Variants in TAF3 observed in about 807,000 individuals in gnomAD.
TAF3 encodes TATA-box binding protein associated factor 3, also known as transcription initiation factor TFIID subunit 3.
In TAF3, 7 loss-of-function variants were observed where a neutral mutation model predicts 80.6. That is an observed-to-expected ratio of 0.09 (90% confidence interval 0.05 to 0.16). TAF3 has a LOEUF of 0.16. TAF3 is among the 10% of genes least tolerant of loss of function. TAF3 has a pLI of 1.00. For missense variants in TAF3, 921 were observed against 1,140.2 expected, an observed-to-expected ratio of 0.81 and a Z score of 2.77; for synonymous variants, 444 against 446.1, an observed-to-expected ratio of 1.00 and a Z score of 0.06.
intron 2 of TAF3, among the ~76,000 whole-genome samples, chr10:7,866,715 A>C (rs1365298952): frequency 6.6e-6 from 1 of 152,150 alleles, no homozygotes; most frequent in African/African-American, 2.4e-5. Flanking sequence ...GCTATAGAAA[A>C]AGCCAAAGTT....
At chr10:7,831,687 C>A (rs1490015653) in intron 2 of TAF3, among the ~76,000 whole-genome samples, 1 of 152,066 alleles carries the variant, frequency 6.6e-6, no homozygotes, top group Non-Finnish European at 1.5e-5. Flanking sequence ...ATTGTTGCAT[C>A]TTTGGCCAGT....
At chr10:7,907,812 A>G (rs1019040247) in intron 2 of TAF3, among the ~76,000 whole-genome samples, 2 of 152,170 alleles carry the variant, frequency 1.3e-5, no homozygotes, top group African/African-American at 4.8e-5. Context: ...CAATGATTAG[A>G]TCTGTGTTTT....
intron 2 of TAF3, among the ~76,000 whole-genome samples, chr10:7,896,368 C>G (rs1033548249): frequency 3.9e-5 from 6 of 152,184 alleles, no homozygotes; most frequent in African/African-American, 1.4e-4. Flanking sequence ...TGTGCAACTA[C>G]TCCCAGGAAC....
At position 7,893,837 on chromosome 10, in the gene TAF3, C is replaced by T. The variant is rs76972018; in HGVS notation, c.409+69277C>T. On this transcript the variant is annotated intron_variant, in intron 2 of 6. Transcript: ENST00000344293. ...AGGATCCTTCTTACATAAATTGATC[C>T]TCTTAATTACCACCTCCTTTAATAT... 3.0e-3 allele frequency among the ~76,000 whole-genome samples: 449 copies of T among 152,152 alleles called. 5 individuals are homozygous for T. The highest frequency in any genetic ancestry group is 0.01 in the African/African-American group (422 of 41,494).
intron 2 of TAF3, among the ~76,000 whole-genome samples, chr10:7,931,434 C>T (rs1837868458): frequency 6.6e-6 from 1 of 152,056 alleles, no homozygotes; most frequent in Admixed American, 6.6e-5. Context: ...ATAGATTTTC[C>T]ATGGATACTT....
chr10:7,939,970 A>G (rs1171924405), intron 2 of TAF3, among the ~76,000 whole-genome samples: 5 of 152,208 alleles, frequency 3.3e-5, no homozygotes, highest in African/African-American at 1.2e-4. Flanking sequence ...ACAAGAGTCT[A>G]AAAGGTACCC....
intron 2 of TAF3, among the ~76,000 whole-genome samples, chr10:7,859,579 T>G (rs1349181020): frequency 6.6e-6 from 1 of 152,206 alleles, no homozygotes; most frequent in African/African-American, 2.4e-5. Flanking sequence ...TCTTTGCTGT[T>G]GATAAAGAAC....
At position 7,980,912 on chromosome 10, in the gene TAF3, G is replaced by A. The variant is rs1313308003; in HGVS notation, c.2315+3589G>A. The stretch of plus-strand genomic sequence containing the variant: ...TTGAGTTTGGTCATTTTGAGCAAAT[G>A]TAGGTAGAATTGGCTAACTTACAGT... On this transcript the variant is annotated intron_variant, in intron 4 of 6. Transcript: ENST00000344293. Among the ~76,000 whole-genome samples the A allele has an allele frequency of 2.0e-5, 3 of 152,296 alleles. No individual in the cohort carries two copies. The East Asian group carries it at 5.8e-4, about 29-fold the overall frequency.
At chr10:7,897,994 A>G (rs540097455) in intron 2 of TAF3, among the ~76,000 whole-genome samples, 1 of 151,906 alleles carries the variant, frequency 6.6e-6, no homozygotes, top group Admixed American at 6.6e-5. Context: ...TATTGGTTGG[A>G]TGTTGAATCT....
intron 4 of TAF3, among the ~76,000 whole-genome samples, 196 bp downstream of exon 4, chr10:7,977,519 A>C (rs1831685452): frequency 6.6e-6 from 1 of 150,534 alleles, no homozygotes; most frequent in Non-Finnish European, 1.5e-5. Context: ...TATTTGACGT[A>C]AAGGATTTTT....
chr10:7,883,006 C>G (rs1298229616), intron 2 of TAF3, among the ~76,000 whole-genome samples: 1 of 152,126 alleles, frequency 6.6e-6, no homozygotes, highest in Non-Finnish European at 1.5e-5. Context: ...TCAGTGGGTA[C>G]TTTCTAAAAG....
chr10:7,983,655 A>G (rs912114977), intron 4 of TAF3, among the ~76,000 whole-genome samples: 2 of 152,156 alleles, frequency 1.3e-5, no homozygotes, highest in African/African-American at 2.4e-5. Context: ...GAAACATTTC[A>G]TAGGTATTTT....
rs866744417 is a variant in TAF3 at position 7,898,409 on chromosome 10, G to A, written c.410-65511G>A. 3.9e-5 allele frequency among the ~76,000 whole-genome samples: 6 copies of A among 152,146 alleles called. No homozygotes were observed. The South Asian group carries it at 8.3e-4, about 21-fold the overall frequency. On this transcript the variant is annotated intron_variant, in intron 2 of 6. Coordinates refer to ENST00000344293, the MANE Select transcript of TAF3 (RefSeq NM_031923.4). The stretch of plus-strand genomic sequence containing the variant: ...AAAAATACAAAAATTAGCTGGGCAT[G>A]ATGGCGGGTGCCTGTAATCCCAGCT...
At chr10:7,945,412 T>C (rs1340441622) in intron 2 of TAF3, among the ~76,000 whole-genome samples, 1 of 152,242 alleles carries the variant, frequency 6.6e-6, no homozygotes, top group Non-Finnish European at 1.5e-5. Context: ...CTTTTGTTTG[T>C]TTGACTTACC....
At chr10:7,874,076 T>C (rs1444333261) in intron 2 of TAF3, among the ~76,000 whole-genome samples, 2 of 152,240 alleles carry the variant, frequency 1.3e-5, no homozygotes, top group Non-Finnish European at 2.9e-5. Flanking sequence ...ATTGAAGATA[T>C]TATTGCCAAG....
At chr10:7,952,997 C>A (rs545782676) in intron 2 of TAF3, among the ~76,000 whole-genome samples, 1 of 152,094 alleles carries the variant, frequency 6.6e-6, no homozygotes, top group South Asian at 2.1e-4. Flanking sequence ...TTGTTTTTGA[C>A]GCCATGCCCT....
intron 5 of TAF3, among the ~76,000 whole-genome samples, chr10:8,010,655 C>T (rs754000595): frequency 1.3e-5 from 2 of 152,172 alleles, no homozygotes; most frequent in African/African-American, 4.8e-5. Flanking sequence ...GCCTGTAATC[C>T]CAGCACTTTG....
intron 1 of TAF3, among the ~76,000 whole-genome samples, chr10:7,823,225 C>T (rs1292656145): frequency 1.3e-5 from 2 of 152,020 alleles, no homozygotes; most frequent in African/African-American, 4.8e-5. Context: ...TATTGAGTGC[C>T]AGCTATGTGC....
intron 2 of TAF3, among the ~76,000 whole-genome samples, chr10:7,961,317 T>C (rs1390556568): frequency 6.6e-6 from 1 of 152,208 alleles, no homozygotes; most frequent in African/African-American, 2.4e-5. Flanking sequence ...GCATAATTGA[T>C]GAGGTTGTGA....
Sources: allele counts gnomAD v4.1 joint callset (sites outside exome capture counted in the v4.1 genomes callset), GRCh38; gene constraint gnomAD v4.1.1; transcripts MANE v1.5; gene names NCBI Gene and HGNC (gene_info 2026-07-23, HGNC 2026-07-21).